The following TRIP4 variants were observed in gnomAD, a reference collection of about 807,000 sequenced individuals.
The protein encoded by TRIP4 is thyroid hormone receptor interactor 4, also known as activating signal cointegrator 1.
A neutral mutation model predicts 81.8 loss-of-function variants in TRIP4; 54 were observed. The ratio of observed to expected loss-of-function variants is 0.66; its 90% CI spans 0.53 to 0.83. TRIP4 has a LOEUF of 0.83. TRIP4 is among the 40% of genes least tolerant of loss of function. TRIP4 has a pLI of 0.00. For missense variants in TRIP4, 662 were observed against 683.6 expected (o/e 0.97, Z 0.35); for synonymous variants, 270 against 242.8 (o/e 1.11, Z -1.04).
At chr15:64,450,354 A>G (rs1892727364) in intron 12 of TRIP4, among the ~76,000 whole-genome samples, 1 of 144,762 alleles carries the variant, frequency 6.9e-6, no homozygotes, top group Non-Finnish European at 1.5e-5. Context: ...GCGCCACTGC[A>G]CTCCAGCCTG....
chr15:64,434,056 TG>T (rs1303406991), intron 11 of TRIP4, among the ~76,000 whole-genome samples: 2 of 151,912 alleles, frequency 1.3e-5, no homozygotes, highest in African/African-American at 4.8e-5. Context: ...AAAAATGAAA[TG>T]GGGAGTCTCT....
At chr15:64,447,044 CA>C (rs1389407570) in intron 12 of TRIP4, among the ~76,000 whole-genome samples, 1 of 152,136 alleles carries the variant, frequency 6.6e-6, no homozygotes, top group Non-Finnish European at 1.5e-5. Flanking sequence ...GCGGAGCTTA[CA>C]GTGAGTCGAG....
chr15:64,441,040 T>G (rs563702122), intron 11 of TRIP4, among the ~76,000 whole-genome samples: 1 of 152,112 alleles, frequency 6.6e-6, no homozygotes, highest in East Asian at 1.9e-4. Flanking sequence ...TCACCCAGTC[T>G]GGATGGAGTG....
chr15:64,443,466 TG>T (rs1443440714), intron 11 of TRIP4, among the ~76,000 whole-genome samples: 2 of 152,210 alleles, frequency 1.3e-5, no homozygotes, highest in African/African-American at 4.8e-5. Flanking sequence ...GCTGCTGCTC[TG>T]GTCTCTGTAG....
In TRIP4 at chr15:64,418,554, C is replaced by T. The variant is rs887691950; in HGVS notation, c.1184C>T (p.Thr395Ile). 1.9e-6 allele frequency: 3 copies of T among 1,612,174 alleles called. No homozygotes were observed. Among genetic ancestry groups the T allele is most frequent in the Non-Finnish European group, 2.5e-6 (3 of 1,179,834 alleles). Reference sequence around the variant, plus strand: ...TTTTCTGTGTAGTGGGTTGACCACACAGGTGCAGCCTCACAGAAGAAGGCT... The same window carrying T: ...TTTTCTGTGTAGTGGGTTGACCACATAGGTGCAGCCTCACAGAAGAAGGCT... ...YQSPPQWVDH[T>I]GAASQKKAFR... Residue 395 changes from threonine (T) to isoleucine (I), a missense_variant, in exon 9 of 13, where the codon ACA becomes ATA. Coordinates refer to ENST00000261884, the MANE Select transcript of TRIP4 (RefSeq NM_016213.5).
chr15:64,427,216 T>G (rs1411385565), intron 11 of TRIP4, among the ~76,000 whole-genome samples: 1 of 152,196 alleles, frequency 6.6e-6, no homozygotes, highest in African/African-American at 2.4e-5. Context: ...TTTGAACAGT[T>G]GCTTTAGATA....
At position 64,414,186 on chromosome 15, in the gene TRIP4, C is replaced by T. The variant is rs1334143606; in HGVS notation, c.1145C>T (p.Pro382Leu). 6 of 1,613,902 alleles carry T rather than the reference C, an allele frequency of 3.7e-6. No individual in the cohort carries two copies. The highest frequency in any genetic ancestry group is 5.1e-6 in the Non-Finnish European group (6 of 1,180,004). Residue 382 changes from proline (P) to leucine (L), a missense_variant, in exon 8 of 13, where the codon CCC becomes CTC. Physicochemically the swap from Pro to Leu is moderately conservative, Grantham distance 98 (BLOSUM62 -3). Transcript: ENST00000261884. ...SEEPLGVLVN[P>L]NMYQSPPQWV... The stretch of plus-strand genomic sequence containing the variant: ...GAGCCTTTGGGAGTTCTGGTAAATC[C>T]CAACATGTACCAGTCCCCTCCCCAG...
At chr15:64,390,763 C>T (rs187698017) in intron 1 of TRIP4, among the ~76,000 whole-genome samples, 19 of 151,802 alleles carry the variant, frequency 1.3e-4, no homozygotes, top group Middle Eastern at 3.4e-3. Context: ...GGTATGGTGA[C>T]GGGCACCTGT....
rs185062944 is a variant in TRIP4 at position 64,435,480 on chromosome 15, C to T, written c.1576-9526C>T. On this transcript the variant is annotated intron_variant, in intron 11 of 12. Coordinates refer to ENST00000261884, the MANE Select transcript of TRIP4 (RefSeq NM_016213.5). ...GGCGGAGGTTGCAGTGAGCCGAGAT[C>T]GCGCCACTGCATTCCAACCTGGGCG... Among the ~76,000 whole-genome samples the T allele has an allele frequency of 4.7e-4, 70 of 147,600 alleles. 1 individual carries two copies. The East Asian group carries it at 8.9e-3, about 19-fold the overall frequency.
chr15:64,443,257 G>A (rs78135074), intron 11 of TRIP4, among the ~76,000 whole-genome samples: 2,546 of 152,256 alleles, frequency 0.017, 64 homozygotes, highest in African/African-American at 0.058. Flanking sequence ...TTTCATGCCA[G>A]ACATTACAGA....
chr15:64,408,851 G>A (rs934672718), intron 6 of TRIP4, among the ~76,000 whole-genome samples: 2 of 152,138 alleles, frequency 1.3e-5, no homozygotes, highest in Non-Finnish European at 2.9e-5. Flanking sequence ...TGGCCCCAGT[G>A]CATTAGTGAG....
At chr15:64,397,488 C>T in intron 3 of TRIP4, 118 bp from the exon 4 acceptor site, 2 of 975,356 alleles carry the variant, frequency 2.1e-6, no homozygotes, top group Non-Finnish European at 3.0e-6. Flanking sequence ...TCACTGCCTT[C>T]TTTCTTGGTT....
Position 64,395,426 on chromosome 15 carries a change from C to T in TRIP4, c.300C>T (p.Asp100=), listed in dbSNP as rs753779711. ...TTTTAGATGGGCAGAAATCAGGCGA[C>T]CATCTAAAGCGGGGTAGGAAGAAAG... ...DEILDGQKSG[D]HLKRGRKKGR... The change falls in exon 3 of 13, where the codon GAC becomes GAT. Residue 100 remains aspartate, a synonymous_variant. Coordinates refer to ENST00000261884, the MANE Select transcript of TRIP4 (RefSeq NM_016213.5). The T allele has an allele frequency of 6.2e-7, 1 of 1,610,950 alleles. No individual in the cohort carries two copies. The highest frequency in any genetic ancestry group is 1.1e-5 in the South Asian group (1 of 90,378).
In TRIP4 at chr15:64,445,109, G is replaced by C; in HGVS notation, c.1678+1G>C. The C allele has an allele frequency of 6.4e-7, 1 of 1,561,444 alleles. No homozygotes were observed. ...CCTATTAAAGGAAATCCAAAAATCTGTAAGTCATGATTTTTTTTCTTTAAG... is the reference window on the plus strand; with the variant it reads ...CCTATTAAAGGAAATCCAAAAATCTCTAAGTCATGATTTTTTTTCTTTAAG... On this transcript the variant is annotated splice_donor_variant, in intron 12 of 12. Coordinates refer to ENST00000261884, the MANE Select transcript of TRIP4 (RefSeq NM_016213.5). LOFTEE classifies it high-confidence loss of function.
At chr15:64,389,771 C>G (rs1054422759) in intron 1 of TRIP4, among the ~76,000 whole-genome samples, 1 of 139,390 alleles carries the variant, frequency 7.2e-6, no homozygotes. Flanking sequence ...GTGGTGCGAT[C>G]TCAGCTCGCT....
chr15:64,395,901 C>G (rs1203580257), intron 3 of TRIP4, among the ~76,000 whole-genome samples: 2 of 131,704 alleles, frequency 1.5e-5, no homozygotes, highest in Non-Finnish European at 3.3e-5. Flanking sequence ...CCACCATACC[C>G]AGCTAATTTT....
chr15:64,441,495 C>T (rs1892517094), intron 11 of TRIP4, among the ~76,000 whole-genome samples: 2 of 148,478 alleles, frequency 1.3e-5, no homozygotes, highest in Middle Eastern at 3.7e-3. Flanking sequence ...TGGAGAGGGC[C>T]GGGCGTGGTG....
intron 12 of TRIP4, among the ~76,000 whole-genome samples, chr15:64,453,460 A>G (rs564552125): frequency 5.8e-4 from 88 of 152,320 alleles, no homozygotes; most frequent in African/African-American, 1.9e-3. Flanking sequence ...GGCAGTCACT[A>G]TGGTAGTGTT....
chr15:64,413,775 A>T (rs996793826), intron 7 of TRIP4, among the ~76,000 whole-genome samples: 1 of 151,796 alleles, frequency 6.6e-6, no homozygotes, highest in African/African-American at 2.4e-5. Context: ...TTTAGTAGAG[A>T]TGGGGTTTCA....
Sources: allele counts gnomAD v4.1 joint callset (sites outside exome capture counted in the v4.1 genomes callset), GRCh38; gene constraint gnomAD v4.1.1; transcripts MANE v1.5; gene names NCBI Gene and HGNC (gene_info 2026-07-23, HGNC 2026-07-21).